The following HTR7 variants were observed in gnomAD, a reference collection of about 807,000 sequenced individuals.
HTR7 encodes 5-HT-7.
In HTR7, 16 loss-of-function variants were observed where a neutral mutation model predicts 34.0. That is an observed-to-expected ratio of 0.47 (90% CI 0.32 to 0.71). The LOEUF is 0.71. Ranked by LOEUF, HTR7 falls within the 30% of genes least tolerant of loss-of-function variation. The pLI is 0.04. For missense variants in HTR7, 504 were observed against 625.5 expected (o/e 0.81, Z 2.07); for synonymous variants, 265 against 260.2 (o/e 1.02, Z -0.18).
At chr10:90,804,508 C>T (rs769126305) in intron 1 of HTR7, among the ~76,000 whole-genome samples, 4 of 152,182 alleles carry the variant, frequency 2.6e-5, no homozygotes, top group Non-Finnish European at 5.9e-5. Context: ...GCACTCCCCC[C>T]AGCTCCTGCA....
chr10:90,824,276 A>AG (rs1216711344), intron 1 of HTR7, among the ~76,000 whole-genome samples: 2 of 152,246 alleles, frequency 1.3e-5, no homozygotes, highest in East Asian at 3.8e-4. Context: ...TTGGGTCAGA[A>AG]GGGAAAACAC....
At position 90,857,740 on chromosome 10, in the gene HTR7, G is replaced by A. The variant is rs1482498992; in HGVS notation, c.-69C>T. 11 of 1,378,142 alleles carry A rather than the reference G, an allele frequency of 8.0e-6. No individual in the cohort carries two copies. Among genetic ancestry groups the A allele is most frequent in the East Asian group, 2.9e-5 (1 of 34,026 alleles). 85.4% of individuals were successfully genotyped at this position (1,378,142 alleles called of 1,614,324 possible). Reference sequence around the variant, plus strand: ...ACGCGCCTCCGGCTGCCGGCCCCGGGGCTTCACCTCACCGGTTCCGCTCCG... The same window carrying A: ...ACGCGCCTCCGGCTGCCGGCCCCGGAGCTTCACCTCACCGGTTCCGCTCCG... On this transcript the variant is annotated 5_prime_UTR_variant, in exon 1 of 4. Coordinates refer to ENST00000336152, the MANE Select transcript of HTR7 (RefSeq NM_019859.4). The surrounding 1 kb of genome is among the most constrained non-coding windows in gnomAD (Gnocchi z 6.5).
intron 1 of HTR7, among the ~76,000 whole-genome samples, chr10:90,851,027 C>T (rs1209713516): frequency 6.6e-6 from 1 of 151,932 alleles, no homozygotes; most frequent in African/African-American, 2.4e-5. Context: ...ATTAGGAACC[C>T]CAAACAGGGT....
intron 1 of HTR7, among the ~76,000 whole-genome samples, chr10:90,772,916 A>G (rs540587630): frequency 3.3e-5 from 5 of 152,316 alleles, no homozygotes; most frequent in Non-Finnish European, 7.4e-5. Context: ...TGAGGCTCAG[A>G]AAGGTTTACT....
intron 1 of HTR7, among the ~76,000 whole-genome samples, chr10:90,772,149 AG>A (rs1203663584): frequency 6.6e-6 from 1 of 152,176 alleles, no homozygotes; most frequent in Non-Finnish European, 1.5e-5. Context: ...ATAAAACCCT[AG>A]GTCATAGCAG....
chr10:90,764,309 G>GT (rs34418123), intron 1 of HTR7, among the ~76,000 whole-genome samples: 31,465 of 151,958 alleles, frequency 0.21, 3,918 homozygotes, highest in African/African-American at 0.34. Flanking sequence ...GGGGTTGCTT[G>GT]TTTTTTTCTT....
intron 1 of HTR7, among the ~76,000 whole-genome samples, chr10:90,767,187 G>A (rs548841460): frequency 1.6e-4 from 25 of 152,328 alleles, no homozygotes; most frequent in African/African-American, 5.8e-4. Flanking sequence ...TCTGCTCAGT[G>A]GGGTCATAGG....
At position 90,857,750 on chromosome 10, in the gene HTR7, C is replaced by T. The variant is rs1017297414; in HGVS notation, c.-79G>A. On this transcript the variant is annotated 5_prime_UTR_variant, in exon 1 of 4. Coordinates refer to ENST00000336152, the MANE Select transcript of HTR7 (RefSeq NM_019859.4). The surrounding 1 kb of genome is among the most constrained non-coding windows in gnomAD (Gnocchi z 6.5). ...GGCTGCCGGCCCCGGGGCTTCACCTCACCGGTTCCGCTCCGCCCGGCCCAG... is the reference window on the plus strand; with the variant it reads ...GGCTGCCGGCCCCGGGGCTTCACCTTACCGGTTCCGCTCCGCCCGGCCCAG... 3.6e-5 allele frequency: 49 copies of T among 1,344,944 alleles called. No homozygotes were observed. Among genetic ancestry groups the T allele is most frequent in the Non-Finnish European group, 4.4e-5 (46 of 1,045,252 alleles). 83.3% of individuals were successfully genotyped at this position (1,344,944 alleles called of 1,614,324 possible).
At chr10:90,843,041 T>C (rs759305127) in intron 1 of HTR7, among the ~76,000 whole-genome samples, 3 of 152,206 alleles carry the variant, frequency 2.0e-5, no homozygotes, top group Non-Finnish European at 4.4e-5. Context: ...TATAGGAAGC[T>C]GCAGAATAAG....
chr10:90,806,530 C>T (rs753647327), intron 1 of HTR7, among the ~76,000 whole-genome samples: 1 of 151,764 alleles, frequency 6.6e-6, no homozygotes, highest in Non-Finnish European at 1.5e-5. Context: ...ACCCGGGAGG[C>T]GGAGCTTGTA....
intron 1 of HTR7, among the ~76,000 whole-genome samples, chr10:90,813,246 C>T (rs1028508523): frequency 1.1e-4 from 16 of 152,146 alleles, no homozygotes; most frequent in African/African-American, 1.9e-4. Context: ...TCTCTTCACA[C>T]GGACGCGCAT....
At chr10:90,814,504 G>A (rs1845869077) in intron 1 of HTR7, among the ~76,000 whole-genome samples, 1 of 152,174 alleles carries the variant, frequency 6.6e-6, no homozygotes, top group South Asian at 2.1e-4. Flanking sequence ...ATTAAGAAGA[G>A]CATGGGGAAA....
chr10:90,777,795 G>C (rs1332925109), intron 1 of HTR7, among the ~76,000 whole-genome samples: 2 of 152,324 alleles, frequency 1.3e-5, no homozygotes, highest in East Asian at 1.9e-4. Flanking sequence ...AGGGAAACAA[G>C]GAGTTGGGTC....
At chr10:90,831,453 A>C (rs1043194657) in intron 1 of HTR7, among the ~76,000 whole-genome samples, 2 of 152,106 alleles carry the variant, frequency 1.3e-5, no homozygotes, top group African/African-American at 4.8e-5. Context: ...TGAAGCTGCA[A>C]ATCTTCGCTG....
chr10:90,846,438 A>G (rs1198690074), intron 1 of HTR7, among the ~76,000 whole-genome samples: 2 of 152,230 alleles, frequency 1.3e-5, no homozygotes, highest in Non-Finnish European at 2.9e-5. Context: ...GATAAACAAC[A>G]TAATGGTATT....
intron 1 of HTR7, among the ~76,000 whole-genome samples, chr10:90,778,416 G>A (rs991380521): frequency 2.6e-5 from 4 of 152,086 alleles, no homozygotes; most frequent in South Asian, 4.1e-4. Context: ...GCCCCTCACC[G>A]AGTGATGCTC....
intron 1 of HTR7, among the ~76,000 whole-genome samples, chr10:90,758,816 A>G (rs1356460308): frequency 6.6e-6 from 1 of 152,222 alleles, no homozygotes; most frequent in African/African-American, 2.4e-5. Flanking sequence ...AGGTAGAAAA[A>G]AAATCAGGCT....
intron 1 of HTR7, among the ~76,000 whole-genome samples, chr10:90,829,295 T>C (rs1229172277): frequency 1.3e-5 from 2 of 152,206 alleles, no homozygotes; most frequent in Non-Finnish European, 2.9e-5. Context: ...AGTATGATAC[T>C]GAATGGGGAA....
chr10:90,835,120 T>C (rs1253661856), intron 1 of HTR7, among the ~76,000 whole-genome samples: 1 of 152,200 alleles, frequency 6.6e-6, no homozygotes, highest in Non-Finnish European at 1.5e-5. Context: ...TTAGAGTTCA[T>C]CTTATGATTT....
Sources: gnomAD v4.1 joint callset for allele counts (sites outside exome capture counted in the v4.1 genomes callset) on GRCh38, gnomAD v4.1.1 for gene constraint, Gnocchi (gnomAD v3.1) non-coding constraint, MANE v1.5 for transcripts, NCBI Gene and HGNC (gene_info 2026-07-23, HGNC 2026-07-21) for gene names.